Variants in CEP112 observed in about 807,000 individuals in gnomAD.
CEP112 encodes the protein centrosomal protein of 112 kDa.
CEP112 carries 127 observed loss-of-function variants against 153.0 expected under a neutral mutation model. That is an observed-to-expected ratio of 0.83 (90% CI 0.72 to 0.96). The LOEUF (loss-of-function observed/expected upper bound fraction) is 0.96. Ranked by LOEUF, CEP112 falls within the 40% of genes least tolerant of loss-of-function variation. The pLI is 0.00. For missense variants in CEP112, 1,089 were observed against 1,101.2 expected (o/e 0.99, Z 0.16); for synonymous variants, 358 against 374.4 (o/e 0.96, Z 0.51).
chr17:65,940,908 G>C (rs2061486268), intron 18 of CEP112, among the ~76,000 whole-genome samples: 1 of 152,154 alleles, frequency 6.6e-6, no homozygotes, highest in South Asian at 2.1e-4. Context: ...ACCAGTAAAT[G>C]AGGTTATGGC....
chr17:65,771,090 AC>A (rs1182432968), intron 21 of CEP112, among the ~76,000 whole-genome samples: 14 of 152,198 alleles, frequency 9.2e-5, no homozygotes, highest in African/African-American at 2.9e-4. Flanking sequence ...AAAGCTTATC[AC>A]TGTGTTTTTA....
chr17:66,070,085 T>C, intron 8 of CEP112, 84 bp from the exon 9 acceptor site: 1 of 722,128 alleles, frequency 1.4e-6, no homozygotes, highest in South Asian at 1.8e-5. Context: ...TAATTCCCTA[T>C]AAAAAAGACA....
chr17:65,865,980 G>A (rs1354308686), intron 20 of CEP112, among the ~76,000 whole-genome samples: 1 of 152,134 alleles, frequency 6.6e-6, no homozygotes, highest in Non-Finnish European at 1.5e-5. Context: ...ACCCTCCTGG[G>A]TGCAGCTGTG....
intron 20 of CEP112, among the ~76,000 whole-genome samples, chr17:65,892,789 G>A (rs78657515): frequency 0.017 from 2,538 of 152,224 alleles, 80 homozygotes; most frequent in African/African-American, 0.058. Flanking sequence ...GCCTGTCAAT[G>A]TCACTATAAC....
chr17:66,178,308 T>C (rs1028141430), intron 2 of CEP112, among the ~76,000 whole-genome samples: 3 of 152,216 alleles, frequency 2.0e-5, no homozygotes, highest in African/African-American at 7.2e-5. Context: ...GTTGCTCTGA[T>C]GATCAGTGAT....
intron 16 of CEP112, among the ~76,000 whole-genome samples, chr17:66,018,439 A>G (rs2064860824): frequency 6.6e-6 from 1 of 152,224 alleles, no homozygotes; most frequent in Non-Finnish European, 1.5e-5. Context: ...TAAAGTGCAC[A>G]GAGGAGGTAC....
At chr17:65,783,342 A>T (rs1003537295) in intron 21 of CEP112, among the ~76,000 whole-genome samples, 7 of 152,218 alleles carry the variant, frequency 4.6e-5, no homozygotes, top group Non-Finnish European at 8.8e-5. Flanking sequence ...TGTTGACAAA[A>T]ATGTAAAATG....
At chr17:65,664,609 T>C (rs2046590134) in intron 24 of CEP112, among the ~76,000 whole-genome samples, 1 of 151,964 alleles carries the variant, frequency 6.6e-6, no homozygotes, top group Non-Finnish European at 1.5e-5. Flanking sequence ...ATTTTGGAGG[T>C]AGAAATAACA....
chr17:66,136,570 T>A (rs1302924029), intron 4 of CEP112, among the ~76,000 whole-genome samples: 1 of 152,042 alleles, frequency 6.6e-6, no homozygotes. Flanking sequence ...TTCAGACTCT[T>A]GGGGGACTGC....
intron 1 of CEP112, among the ~76,000 whole-genome samples, chr17:66,186,432 G>A (rs990852007): frequency 6.6e-6 from 1 of 152,054 alleles, no homozygotes; most frequent in Non-Finnish European, 1.5e-5. Flanking sequence ...CTCCCGAGTA[G>A]GCACCCGCCA....
At chr17:65,682,151 G>A (rs531260260) in intron 24 of CEP112, among the ~76,000 whole-genome samples, 138 of 151,754 alleles carry the variant, frequency 9.1e-4, no homozygotes, top group Admixed American at 1.6e-3. Context: ...CTGCCACCGC[G>A]CCCAGCTAAT....
chr17:66,123,096 G>A (rs764943589), intron 6 of CEP112, among the ~76,000 whole-genome samples: 59 of 152,092 alleles, frequency 3.9e-4, no homozygotes, highest in Non-Finnish European at 3.2e-4. Flanking sequence ...TCTTGTTCCC[G>A]GCTTGCATCT....
intron 23 of CEP112, among the ~76,000 whole-genome samples, chr17:65,690,654 A>G (rs988636557): frequency 6.6e-6 from 1 of 152,100 alleles, no homozygotes; most frequent in Non-Finnish European, 1.5e-5. Flanking sequence ...GACAAGAGAG[A>G]GCAAGTCACA....
At chr17:65,774,652 T>C (rs1336080848) in intron 21 of CEP112, among the ~76,000 whole-genome samples, 1 of 152,092 alleles carries the variant, frequency 6.6e-6, no homozygotes, top group Admixed American at 6.5e-5. Context: ...GCTGGGTGCG[T>C]AGGTGACATC....
chr17:66,122,452 T>C (rs2069645045), intron 6 of CEP112, among the ~76,000 whole-genome samples: 1 of 152,166 alleles, frequency 6.6e-6, no homozygotes, highest in Admixed American at 6.5e-5. Flanking sequence ...TAATTTTAGT[T>C]GTTTTCATTT....
chr17:66,021,445 T>C (rs1440757782), intron 16 of CEP112, among the ~76,000 whole-genome samples: 1 of 152,140 alleles, frequency 6.6e-6, no homozygotes, highest in African/African-American at 2.4e-5. Flanking sequence ...TTTGCCTGGG[T>C]AGCAGGTTTT....
chr17:65,972,462 G>T (rs1382205783), intron 17 of CEP112, among the ~76,000 whole-genome samples: 1 of 152,104 alleles, frequency 6.6e-6, no homozygotes, highest in Non-Finnish European at 1.5e-5. Context: ...TCAAAACAAT[G>T]GCATTAGCTT....
chr17:66,005,650 A>G, intron 17 of CEP112, 40 bp downstream of exon 17: 1 of 1,587,798 alleles, frequency 6.3e-7, no homozygotes, highest in South Asian at 1.2e-5. Context: ...CAGTTTAATA[A>G]AGGGTAGTTT....
chr17:65,696,158 T>TAA (rs1402652922), intron 23 of CEP112, among the ~76,000 whole-genome samples: 1 of 152,190 alleles, frequency 6.6e-6, no homozygotes, highest in Non-Finnish European at 1.5e-5. Context: ...TGCCCCCTTT[T>TAA]AGAGAGTTTC....
Sources: allele counts gnomAD v4.1 joint callset (sites outside exome capture counted in the v4.1 genomes callset), GRCh38; gene constraint gnomAD v4.1.1; transcripts MANE v1.5; gene names NCBI Gene and HGNC (gene_info 2026-07-23, HGNC 2026-07-21).